Variants in GPI observed in about 807,000 individuals in gnomAD.
GPI encodes the protein D-hexose-6-phosphate anomerase.
GPI carries 56 observed loss-of-function variants against 75.8 expected under a neutral mutation model. That is an observed-to-expected ratio of 0.74 (90% CI 0.60 to 0.92). GPI has a LOEUF of 0.92. GPI is among the 40% of genes least tolerant of loss of function. GPI has a pLI of 0.00. For missense variants in GPI, 638 were observed against 741.0 expected (o/e 0.86, Z 1.61); for synonymous variants, 288 against 285.4 (o/e 1.01, Z -0.09).
At chr19:34,389,438 G>A (rs1017107437) in intron 9 of GPI, among the ~76,000 whole-genome samples, 1 of 152,112 alleles carries the variant, frequency 6.6e-6, no homozygotes, top group Non-Finnish European at 1.5e-5. Context: ...TTATCCTCTG[G>A]AAGGTGCTAT....
At chr19:34,388,983 C>T (rs1018918228) in intron 9 of GPI, among the ~76,000 whole-genome samples, 1 of 151,752 alleles carries the variant, frequency 6.6e-6, no homozygotes, top group Non-Finnish European at 1.5e-5. Flanking sequence ...GTCCCAGCTA[C>T]TGGGGAGGCT....
chr19:34,386,005 G>A (rs1397772865), intron 9 of GPI, among the ~76,000 whole-genome samples: 1 of 152,090 alleles, frequency 6.6e-6, no homozygotes, highest in Admixed American at 6.6e-5. Flanking sequence ...TGTGGTTTGA[G>A]GAGCCAGGGT....
At chr19:34,366,683 G>C in intron 2 of GPI, 100 bp from the exon 3 acceptor site, 2 of 853,194 alleles carry the variant, frequency 2.3e-6, no homozygotes, top group South Asian at 1.3e-5. Flanking sequence ...GCAGCCGTCT[G>C]TCTGTCTCAT....
intron 4 of GPI, among the ~76,000 whole-genome samples, chr19:34,371,023 C>T (rs1568328649): frequency 6.6e-6 from 1 of 152,222 alleles, no homozygotes; most frequent in East Asian, 1.9e-4. Flanking sequence ...GCCTTTCCAG[C>T]CATCTGCTGT....
intron 6 of GPI, among the ~76,000 whole-genome samples, chr19:34,378,354 G>A (rs1192751501): frequency 6.6e-6 from 1 of 151,938 alleles, no homozygotes; most frequent in Non-Finnish European, 1.5e-5. Flanking sequence ...CACCACGCCT[G>A]GCTAATTTTA....
intron 8 of GPI, chr19:34,379,909 G>A: frequency 2.4e-6 from 1 of 412,662 alleles, no homozygotes. Flanking sequence ...GGTAGAGGAT[G>A]CATTCCATTT....
intron 4 of GPI, among the ~76,000 whole-genome samples, chr19:34,372,338 A>G (rs141859917): frequency 5.1e-4 from 78 of 152,316 alleles, no homozygotes; most frequent in East Asian, 1.2e-3. Flanking sequence ...TTCCCATGGC[A>G]GTTTATTTAA....
intron 4 of GPI, among the ~76,000 whole-genome samples, chr19:34,373,319 GTGGAGGTTAC>G (rs2074483158): frequency 6.6e-6 from 1 of 151,564 alleles, no homozygotes; most frequent in Non-Finnish European, 1.5e-5. Flanking sequence ...AACCCATGAG[GTGGAGGTTAC>G]TGAGAGCTGA....
intron 4 of GPI, among the ~76,000 whole-genome samples, chr19:34,371,965 C>G (rs1033394925): frequency 1.3e-5 from 2 of 149,966 alleles, no homozygotes; most frequent in African/African-American, 4.9e-5. Context: ...GAGTCTTACT[C>G]TGTTGCCCAG....
intron 4 of GPI, among the ~76,000 whole-genome samples, chr19:34,368,985 G>A (rs1230282427): frequency 6.6e-6 from 1 of 152,120 alleles, no homozygotes; most frequent in Admixed American, 6.5e-5. Context: ...AACCACAGAG[G>A]CTTCAAATGA....
chr19:34,368,673 G>C lies in GPI; in HGVS notation c.373G>C (p.Val125Leu). ...GGATGTGATGCCAGAGGTCAACAAG[G>C]TTCTGGACAAGATGAAGTCTTTCTG... is the stretch of plus-strand genomic sequence containing the variant. ...GKDVMPEVNK[V>L]LDKMKSFCQR... The change falls in exon 4 of 18, where the codon GTT (valine) becomes CTT (leucine). Residue 125 changes from valine to leucine, a missense_variant. Coordinates refer to ENST00000356487, the MANE Select transcript of GPI (RefSeq NM_000175.5). 1 of 1,614,200 alleles carries C rather than the reference G, an allele frequency of 6.2e-7. No homozygotes were observed. Among genetic ancestry groups the C allele is most frequent in the Non-Finnish European group, 8.5e-7 (1 of 1,180,034 alleles).
At chr19:34,378,770 A>T (rs2074592871) in intron 6 of GPI, among the ~76,000 whole-genome samples, 164 bp from the exon 7 acceptor site, 1 of 152,128 alleles carries the variant, frequency 6.6e-6, no homozygotes. Flanking sequence ...CTGGTTTTAA[A>T]GAGCTGGAAT....
chr19:34,398,869 A>AT (rs952625427), intron 14 of GPI: 56 of 210,512 alleles, frequency 2.7e-4, no homozygotes, highest in Middle Eastern at 1.9e-3. Context: ...GCCCAGCTAA[A>AT]TTTTTTTTTG....
chr19:34,393,115 T>G lies in GPI; in HGVS notation c.805-133T>G. On this transcript the variant is annotated intron_variant, in intron 9 of 17. Transcript: ENST00000356487. The surrounding 1 kb of genome is among the most constrained non-coding windows in gnomAD (Gnocchi z 4.4). Reference sequence around the variant, plus strand: ...GTGTTGCCAGCACCTGCCTGCTGCCTTGCTTCCTGGAGGTGGGTTGGGCCA... The same window carrying G: ...GTGTTGCCAGCACCTGCCTGCTGCCGTGCTTCCTGGAGGTGGGTTGGGCCA... The G allele has an allele frequency of 1.3e-6, 1 of 745,496 alleles. No individual in the cohort carries two copies. The highest frequency in any genetic ancestry group is 2.4e-6 in the Non-Finnish European group (1 of 410,902). 46.2% of individuals were successfully genotyped at this position (745,496 alleles called of 1,614,324 possible).
intron 1 of GPI, chr19:34,365,757 T>G (rs767685920): frequency 6.2e-6 from 3 of 482,532 alleles, no homozygotes; most frequent in Non-Finnish European, 1.2e-5. Context: ...GCTGTCCCTT[T>G]CCATCCGCTC....
At chr19:34,377,942 G>A in intron 6 of GPI, 61 bp downstream of exon 6, 2 of 1,570,956 alleles carry the variant, frequency 1.3e-6, no homozygotes, top group Non-Finnish European at 1.8e-6. Flanking sequence ...GGGAGGGACA[G>A]CTGTCTTGCC....
chr19:34,373,408 A>C (rs2074485274), intron 4 of GPI, among the ~76,000 whole-genome samples: 1 of 150,702 alleles, frequency 6.6e-6, no homozygotes, highest in African/African-American at 2.4e-5. Context: ...AAAAAAATTT[A>C]TAACTGGGCA....
At chr19:34,389,980 T>G (rs1490850378) in intron 9 of GPI, among the ~76,000 whole-genome samples, 3 of 152,138 alleles carry the variant, frequency 2.0e-5, no homozygotes, top group African/African-American at 7.2e-5. Flanking sequence ...AGGTGTGGCT[T>G]GAGAAGGTGC....
At chr19:34,374,323 T>A (rs2074500915) in intron 4 of GPI, among the ~76,000 whole-genome samples, 1 of 151,982 alleles carries the variant, frequency 6.6e-6, no homozygotes, top group Non-Finnish European at 1.5e-5. Context: ...GTGTTACAGA[T>A]CAGCTCTGGT....
Sources: allele counts gnomAD v4.1 joint callset (sites outside exome capture counted in the v4.1 genomes callset), GRCh38; gene constraint gnomAD v4.1.1; non-coding constraint Gnocchi (gnomAD v3.1); transcripts MANE v1.5; gene names NCBI Gene and HGNC (gene_info 2026-07-23, HGNC 2026-07-21).